Variants in CLEC4A observed in about 807,000 individuals in gnomAD.
CLEC4A encodes C-type (calcium dependent, carbohydrate-recognition domain) lectin, superfamily member 6.
In CLEC4A, 27 loss-of-function variants were observed where a neutral mutation model predicts 32.7. That is an observed-to-expected ratio of 0.83 (90% CI 0.61 to 1.14). The LOEUF (loss-of-function observed/expected upper bound fraction) is 1.14. CLEC4A is among the 50% of genes most tolerant of loss of function. The pLI, the probability that CLEC4A is intolerant of heterozygous loss-of-function variation, is 0.00. For synonymous variants in CLEC4A, 89 were observed against 93.7 expected (o/e 0.95, Z 0.29); for missense variants, 253 against 274.6 (o/e 0.92, Z 0.55).
chr12:8,103,150 A>G, the CLEC4A span, among the ~76,000 whole-genome samples: 1 of 152,082 alleles, frequency 6.6e-6, no homozygotes, highest in Admixed American at 6.6e-5. Context: ...TCTGCTTGCC[A>G]ATGGCTTTTT....
upstream of CLEC4A, chr12:8,121,233 G>T (rs1233414979): frequency 6.6e-6 from 1 of 152,184 alleles, no homozygotes; most frequent in East Asian, 1.9e-4. Flanking sequence ...AATATGGTTT[G>T]CTTTCTAATT....
chr12:8,116,392 G>A, the CLEC4A span, among the ~76,000 whole-genome samples: 2 of 152,124 alleles, frequency 1.3e-5, no homozygotes, highest in African/African-American at 2.4e-5. Context: ...GTGAGTCATC[G>A]TACCTGGCCG....
intron 2 of CLEC4A, 100 bp downstream of exon 2, chr12:8,125,777 G>C (rs1947891671): frequency 1.4e-6 from 1 of 711,266 alleles, no homozygotes; most frequent in Non-Finnish European, 2.4e-6. Context: ...CCAGAAATCT[G>C]AAATGAAATT....
chr12:8,134,467 G>GCTT, intron 3 of CLEC4A: 1 of 1,613,936 alleles, frequency 6.2e-7, no homozygotes, highest in Non-Finnish European at 8.5e-7. Context: ...TTTTGCTCCA[G>GCTT]CTTCTCCTTC....
intron 1 of CLEC4A, 138 bp from the exon 2 acceptor site, chr12:8,125,423 C>T (rs1489331025): frequency 6.9e-6 from 4 of 580,164 alleles, no homozygotes; most frequent in Non-Finnish European, 1.2e-5. Flanking sequence ...CTTTCTATTC[C>T]TATTCTCATG....
At chr12:8,117,241 T>C in the CLEC4A span, among the ~76,000 whole-genome samples, 1 of 151,946 alleles carries the variant, frequency 6.6e-6, no homozygotes, top group Non-Finnish European at 1.5e-5. Flanking sequence ...TCTTTTTTTT[T>C]TTGTTTTTGT....
chr12:8,130,814 C>T (rs1188193567), intron 3 of CLEC4A, among the ~76,000 whole-genome samples: 1 of 152,178 alleles, frequency 6.6e-6, no homozygotes, highest in Non-Finnish European at 1.5e-5. Context: ...TAGTATACTT[C>T]TTACAACTAA....
the CLEC4A span, among the ~76,000 whole-genome samples, chr12:8,115,172 C>CACATT: frequency 3.3e-5 from 5 of 152,186 alleles, no homozygotes; most frequent in Non-Finnish European, 4.4e-5. Context: ...TTTCGATTTT[C>CACATT]TGGCAAATAT....
chr12:8,120,024 G>A (rs1468122063), upstream of CLEC4A, among the ~76,000 whole-genome samples: 1 of 152,220 alleles, frequency 6.6e-6, no homozygotes, highest in South Asian at 2.1e-4. Flanking sequence ...GATGCATGGG[G>A]TAAGGACTGA....
In CLEC4A at chr12:8,135,047, CTT is replaced by C. The variant is rs1187858911; in HGVS notation, c.299-517_299-516del. ...CAGATAATTCTAACAATTTTATTATCTTTTTTTTTTTTTTTTTTTTTTGAGAC... is the reference window on the plus strand; with the variant it reads ...CAGATAATTCTAACAATTTTATTATCTTTTTTTTTTTTTTTTTTTTGAGAC... On this transcript the variant is annotated intron_variant, in intron 3 of 5. Transcript: ENST00000229332. Among the ~76,000 whole-genome samples the C allele has an allele frequency of 7.2e-3, 65 of 9,024 alleles. 1 individual carries two copies. The highest frequency in any genetic ancestry group is 0.018 in the African/African-American group (58 of 3,180). 5.9% of individuals were successfully genotyped at this position (9,024 alleles called of 152,430 possible).
intron 3 of CLEC4A, among the ~76,000 whole-genome samples, chr12:8,132,346 A>G (rs1303050569): frequency 6.6e-6 from 1 of 152,124 alleles, no homozygotes; most frequent in Non-Finnish European, 1.5e-5. Context: ...TTGTATTGTC[A>G]TTTTCATTCA....
the CLEC4A span, among the ~76,000 whole-genome samples, chr12:8,115,909 C>T: frequency 6.6e-6 from 1 of 152,080 alleles, no homozygotes; most frequent in African/African-American, 2.4e-5. Context: ...CCACCTCAGC[C>T]TCCTAAGAAG....
intron 3 of CLEC4A, among the ~76,000 whole-genome samples, chr12:8,131,897 G>C (rs1170572465): frequency 1.3e-5 from 2 of 151,722 alleles, no homozygotes; most frequent in Non-Finnish European, 2.9e-5. Context: ...TGTTTCATGG[G>C]TAAATGTGTG....
intron 3 of CLEC4A, among the ~76,000 whole-genome samples, chr12:8,131,719 AT>A (rs1401828212): frequency 6.6e-6 from 1 of 151,980 alleles, no homozygotes; most frequent in Non-Finnish European, 1.5e-5. Flanking sequence ...TATCTATATA[AT>A]TTATTTGAAA....
chr12:8,110,981 C>A, the CLEC4A span, among the ~76,000 whole-genome samples: 1 of 151,826 alleles, frequency 6.6e-6, no homozygotes, highest in Non-Finnish European at 1.5e-5. Context: ...TCACACCATT[C>A]TCCTGCCTCA....
At chr12:8,125,811 G>T in intron 2 of CLEC4A, 134 bp downstream of exon 2, 4 of 620,744 alleles carry the variant, frequency 6.4e-6, no homozygotes, top group Non-Finnish European at 1.1e-5. Flanking sequence ...CATAATTCAT[G>T]GGAATCCACT....
chr12:8,135,069 T>TTTTTTTTA (rs1948089265), intron 3 of CLEC4A, among the ~76,000 whole-genome samples: 1 of 124,238 alleles, frequency 8.0e-6, no homozygotes, highest in African/African-American at 3.0e-5. Context: ...TTTTTTTTTT[T>TTTTTTTTA]GAGACAGGTT....
the CLEC4A span, among the ~76,000 whole-genome samples, chr12:8,108,832 A>G: frequency 2.7e-5 from 4 of 147,096 alleles, no homozygotes; most frequent in Non-Finnish European, 6.0e-5. Context: ...CCTCAATTAA[A>G]CAAAATAATG....
At chr12:8,128,412 CTTTTTTTT>C (rs71042335) in intron 2 of CLEC4A, among the ~76,000 whole-genome samples, 1 of 134,334 alleles carries the variant, frequency 7.4e-6, no homozygotes, top group African/African-American at 2.7e-5. Flanking sequence ...AGTTCAATTT[CTTTTTTTT>C]TTTTTTTTGA....
Sources: gnomAD v4.1 joint callset for allele counts (sites outside exome capture counted in the v4.1 genomes callset) on GRCh38, gnomAD v4.1.1 for gene constraint, MANE v1.5 for transcripts, NCBI Gene and HGNC (gene_info 2026-07-23, HGNC 2026-07-21) for gene names.